Variants in NKAIN3 observed in about 807,000 individuals in gnomAD.
The protein encoded by NKAIN3 is sodium/potassium transporting ATPase interacting 3.
In NKAIN3, 25 loss-of-function variants were observed where a neutral mutation model predicts 30.2. The ratio of observed to expected loss-of-function variants is 0.83; its 90% CI spans 0.60 to 1.16. The LOEUF (loss-of-function observed/expected upper bound fraction) is 1.16. NKAIN3 is among the 50% of genes most tolerant of loss of function. The pLI, the probability that NKAIN3 is intolerant of heterozygous loss-of-function variation, is 0.00. For missense variants in NKAIN3, 225 were observed against 254.1 expected (o/e 0.89, Z 0.78); for synonymous variants, 91 against 89.6 (o/e 1.02, Z -0.09).
At position 62,904,466 on chromosome 8, in the gene NKAIN3, G is replaced by A. The variant is rs573762459; in HGVS notation, c.472-13987G>A. 7.2e-5 allele frequency among the ~76,000 whole-genome samples: 11 copies of A among 152,070 alleles called. 1 individual carries two copies. Among genetic ancestry groups the A allele is most frequent in the Admixed American group, 6.5e-4 (10 of 15,278 alleles). ...TGAAGATGGTATTATATAATCATTG[G>A]CTTGTTCTCATCTTTAGTGCATGAT... On this transcript the variant is annotated intron_variant, in intron 4 of 6. Coordinates refer to ENST00000623646, the MANE Select transcript of NKAIN3 (RefSeq NM_001304533.3).
intron 3 of NKAIN3, among the ~76,000 whole-genome samples, chr8:62,720,724 T>C (rs949829460): frequency 1.3e-5 from 2 of 152,168 alleles, no homozygotes; most frequent in African/African-American, 4.8e-5. Context: ...TTACTGCAAA[T>C]TGTTTCCATT....
At chr8:62,812,078 C>G (rs1345969300) in intron 4 of NKAIN3, among the ~76,000 whole-genome samples, 1 of 151,928 alleles carries the variant, frequency 6.6e-6, no homozygotes, top group Non-Finnish European at 1.5e-5. Context: ...AGTTCCCACA[C>G]AATTTGTGAA....
At chr8:62,776,375 T>C (rs1285393674) in intron 4 of NKAIN3, among the ~76,000 whole-genome samples, 2 of 152,060 alleles carry the variant, frequency 1.3e-5, no homozygotes, top group Non-Finnish European at 2.9e-5. Flanking sequence ...CCTTCCTATC[T>C]TCTGTTTAGT....
chr8:62,705,989 TAAACAC>T (rs2130480254), intron 3 of NKAIN3, among the ~76,000 whole-genome samples: 1 of 152,298 alleles, frequency 6.6e-6, no homozygotes, highest in East Asian at 1.9e-4. Flanking sequence ...TTGCTCCTGA[TAAACAC>T]ATGATGGGAC....
intron 5 of NKAIN3, among the ~76,000 whole-genome samples, chr8:62,934,749 G>A (rs544836903): frequency 2.0e-5 from 3 of 152,236 alleles, no homozygotes; most frequent in Non-Finnish European, 2.9e-5. Context: ...CTTACTCAAA[G>A]GAGATATTAT....
At chr8:62,449,032 G>T (rs1394446987) in intron 1 of NKAIN3, among the ~76,000 whole-genome samples, 1 of 151,910 alleles carries the variant, frequency 6.6e-6, no homozygotes, top group East Asian at 1.9e-4. Flanking sequence ...CTAACTCAAA[G>T]ATTTACTATG....
intron 3 of NKAIN3, among the ~76,000 whole-genome samples, chr8:62,687,756 C>G (rs1304283675): frequency 1.3e-5 from 2 of 152,152 alleles, no homozygotes; most frequent in Non-Finnish European, 2.9e-5. Context: ...GTCAGAAACC[C>G]CTGCTCTCTT....
chr8:62,478,003 C>T (rs1455447039), intron 1 of NKAIN3, among the ~76,000 whole-genome samples: 1 of 152,180 alleles, frequency 6.6e-6, no homozygotes, highest in Non-Finnish European at 1.5e-5. Flanking sequence ...GGCAAGCTCA[C>T]TTCCGTCTGT....
chr8:62,355,750 C>T lies in NKAIN3; in HGVS notation c.54+106623C>T, dbSNP rs185467859. On this transcript the variant is annotated intron_variant, in intron 1 of 6. Coordinates refer to ENST00000623646, the MANE Select transcript of NKAIN3 (RefSeq NM_001304533.3). ...CTGAAAAAGTGTTACTCAAATTCTA[C>T]ACATGCATTTGCGACATTTAGAGCC... 4.9e-3 allele frequency among the ~76,000 whole-genome samples: 741 copies of T among 152,276 alleles called. 2 individuals are homozygous for T. The highest frequency in any genetic ancestry group is 0.017 in the African/African-American group (706 of 41,560).
chr8:62,480,874 T>G (rs1230853807), intron 1 of NKAIN3, among the ~76,000 whole-genome samples: 1 of 151,894 alleles, frequency 6.6e-6, no homozygotes, highest in Non-Finnish European at 1.5e-5. Context: ...GAGACAAAAT[T>G]GAGAAGTGAT....
intron 1 of NKAIN3, among the ~76,000 whole-genome samples, chr8:62,355,794 G>A (rs750720730): frequency 2.7e-4 from 41 of 152,260 alleles, no homozygotes; most frequent in Non-Finnish European, 5.0e-4. Context: ...GCCATCTGAC[G>A]TGGTTTTCCA....
chr8:62,407,502 A>T (rs1005532749), intron 1 of NKAIN3, among the ~76,000 whole-genome samples: 2 of 150,634 alleles, frequency 1.3e-5, no homozygotes, highest in African/African-American at 2.5e-5. Context: ...AGTTCAAGTG[A>T]TTCTCCTGCT....
At chr8:62,572,387 A>G (rs1171799332) in intron 1 of NKAIN3, among the ~76,000 whole-genome samples, 1 of 152,192 alleles carries the variant, frequency 6.6e-6, no homozygotes, top group Non-Finnish European at 1.5e-5. Context: ...ACAAGTCTCT[A>G]GGAAATTCCA....
intron 5 of NKAIN3, chr8:62,990,230 G>C: frequency 6.4e-7 from 1 of 1,552,326 alleles, no homozygotes; most frequent in Non-Finnish European, 8.8e-7. Context: ...TATTGAATAA[G>C]CAAGAATTAG....
At chr8:62,501,705 T>G (rs182762560) in intron 1 of NKAIN3, among the ~76,000 whole-genome samples, 1 of 152,214 alleles carries the variant, frequency 6.6e-6, no homozygotes, top group Non-Finnish European at 1.5e-5. Context: ...GTACCCTAAA[T>G]GTTTGCTTAG....
intron 1 of NKAIN3, among the ~76,000 whole-genome samples, chr8:62,549,101 T>C (rs1483305463): frequency 6.6e-6 from 1 of 152,218 alleles, no homozygotes; most frequent in Non-Finnish European, 1.5e-5. Context: ...AAATTTTTTC[T>C]AGATTATGTT....
At chr8:62,737,185 C>G (rs943304979) in intron 3 of NKAIN3, among the ~76,000 whole-genome samples, 3 of 152,172 alleles carry the variant, frequency 2.0e-5, no homozygotes, top group African/African-American at 4.8e-5. Flanking sequence ...ATGATGTGAG[C>G]TCCTGAGTGG....
chr8:62,283,124 C>T (rs1355118172), intron 1 of NKAIN3, among the ~76,000 whole-genome samples: 3 of 152,142 alleles, frequency 2.0e-5, no homozygotes, highest in African/African-American at 7.2e-5. Context: ...GTCTCTCTAA[C>T]ACTGATTATG....
chr8:62,396,465 A>G (rs1817768586), intron 1 of NKAIN3, among the ~76,000 whole-genome samples: 1 of 152,240 alleles, frequency 6.6e-6, no homozygotes, highest in Admixed American at 6.5e-5. Context: ...ATTAATTTAC[A>G]GAATTAATTC....
Sources: allele counts gnomAD v4.1 joint callset (sites outside exome capture counted in the v4.1 genomes callset), GRCh38; gene constraint gnomAD v4.1.1; transcripts MANE v1.5; gene names NCBI Gene and HGNC (gene_info 2026-07-23, HGNC 2026-07-21).